The following DGLUCY variants were observed in gnomAD, a reference collection of about 807,000 sequenced individuals.
The protein encoded by DGLUCY is D-glutamate cyclase.
Under a neutral mutation model 58.5 loss-of-function variants are expected in DGLUCY, and 58 were observed. The ratio of observed to expected loss-of-function variants is 0.99; its 90% CI spans 0.80 to 1.23. The LOEUF (loss-of-function observed/expected upper bound fraction) is 1.23, where lower values mean the gene tolerates loss of function less well. DGLUCY is among the 50% of genes most tolerant of loss of function. The probability of loss-of-function intolerance (pLI) is 0.00; values close to 1 mark genes in which losing one functional copy is unlikely to be tolerated. For missense variants in DGLUCY, 779 were observed against 784.7 expected (o/e 0.99, Z 0.09); for synonymous variants, 325 against 314.1 (o/e 1.03, Z -0.37).
At chr14:91,140,269 C>G (rs1035682254) in intron 1 of DGLUCY, among the ~76,000 whole-genome samples, 3 of 152,186 alleles carry the variant, frequency 2.0e-5, no homozygotes, top group African/African-American at 7.2e-5. Context: ...GCTCACAAAC[C>G]TTACAAAAAA....
At chr14:91,070,890 A>G (rs11624274) in intron 1 of DGLUCY, among the ~76,000 whole-genome samples, 49,285 of 152,064 alleles carry the variant, frequency 0.32, 8,415 homozygotes, top group African/African-American at 0.43. Flanking sequence ...AGGTAAAATG[A>G]GTACAGAGTG....
chr14:91,203,633 C>A (rs2050703640), intron 11 of DGLUCY, among the ~76,000 whole-genome samples: 4 of 152,086 alleles, frequency 2.6e-5, no homozygotes, highest in Admixed American at 2.6e-4. Context: ...TACAGCACCA[C>A]CTCAAAGGGT....
At chr14:91,157,462 A>G (rs997443112) in intron 1 of DGLUCY, among the ~76,000 whole-genome samples, 177 bp from the exon 2 acceptor site, 39 of 152,174 alleles carry the variant, frequency 2.6e-4, no homozygotes, top group Admixed American at 1.8e-3. Context: ...AGGATTAACA[A>G]TGCCTTTTTT....
At chr14:91,196,744 TAAAAAAAA>T (rs146566022) in intron 10 of DGLUCY, among the ~76,000 whole-genome samples, 6 of 94,846 alleles carry the variant, frequency 6.3e-5, no homozygotes, top group East Asian at 3.2e-4. Context: ...GACATAGCAC[TAAAAAAAA>T]AAAAAAAAAA....
intron 1 of DGLUCY, among the ~76,000 whole-genome samples, chr14:91,093,009 G>A (rs937640101): frequency 3.3e-5 from 5 of 151,500 alleles, no homozygotes; most frequent in Non-Finnish European, 4.4e-5. Context: ...ACTTGAATCC[G>A]GGAGACAAAG....
chr14:91,160,495 T>C, intron 3 of DGLUCY, 98 bp downstream of exon 3: 1 of 818,252 alleles, frequency 1.2e-6, no homozygotes, highest in Non-Finnish European at 1.9e-6. Context: ...CTAAGACTTC[T>C]AGATTCTGCA....
chr14:91,188,256 G>A (rs1206251669), intron 8 of DGLUCY, among the ~76,000 whole-genome samples: 1 of 152,170 alleles, frequency 6.6e-6, no homozygotes, highest in African/African-American at 2.4e-5. Flanking sequence ...AAGGGAACGA[G>A]CTTGGAGGTG....
chr14:91,117,458 G>T (rs1484082532), intron 1 of DGLUCY, among the ~76,000 whole-genome samples: 1 of 152,090 alleles, frequency 6.6e-6, no homozygotes, highest in Non-Finnish European at 1.5e-5. Context: ...CTGACACTTG[G>T]GCTTGACTGC....
At chr14:91,169,926 G>A (rs559038507) in intron 4 of DGLUCY, 77 bp from the exon 5 acceptor site, 31 of 1,446,500 alleles carry the variant, frequency 2.1e-5, no homozygotes, top group African/African-American at 2.8e-5. Context: ...TTCTCTCTCC[G>A]CAGTCCTTCT....
intron 12 of DGLUCY, among the ~76,000 whole-genome samples, chr14:91,214,232 T>G (rs61990156): frequency 0.19 from 29,011 of 152,048 alleles, 3,066 homozygotes; most frequent in Non-Finnish European, 0.23. Context: ...TGGCTGGCCG[T>G]GTGCACAGTC....
chr14:91,208,873 A>C (rs1007127057), intron 12 of DGLUCY, among the ~76,000 whole-genome samples: 3 of 152,236 alleles, frequency 2.0e-5, no homozygotes, highest in Non-Finnish European at 4.4e-5. Context: ...ATTTCAAAGC[A>C]GACTTTGTTG....
chr14:91,140,398 G>A (rs770119334), intron 1 of DGLUCY, among the ~76,000 whole-genome samples: 21 of 152,334 alleles, frequency 1.4e-4, no homozygotes, highest in Middle Eastern at 3.4e-3. Context: ...TGGGTCGGGT[G>A]CGGTGGCTCA....
chr14:91,062,551 A>AAG (rs2043723808), intron 1 of DGLUCY, among the ~76,000 whole-genome samples: 2 of 27,708 alleles, frequency 7.2e-5, no homozygotes, highest in African/African-American at 3.1e-4. Context: ...CTGTCTAAAA[A>AAG]AAAAAAAATA....
chr14:91,136,502 G>A (rs2046343656), intron 1 of DGLUCY, among the ~76,000 whole-genome samples: 2 of 151,776 alleles, frequency 1.3e-5, no homozygotes, highest in Admixed American at 1.3e-4. Flanking sequence ...GGCCAACATG[G>A]TGAAAACCCC....
In DGLUCY at chr14:91,160,185, A is replaced by G. The variant is rs114459080; in HGVS notation, c.-29-81A>G. The G allele has an allele frequency of 8.4e-3, 7,172 of 850,618 alleles. 128 individuals are homozygous for G. The highest frequency in any genetic ancestry group is 0.042 in the South Asian group (3,098 of 74,640). 52.7% of individuals were successfully genotyped at this position (850,618 alleles called of 1,614,324 possible). A position where few individuals can be genotyped will look rare whatever the true frequency, so the allele number is the denominator to read the frequency against. On this transcript the variant is annotated intron_variant, in intron 2 of 13. Transcript: ENST00000256324. ...AGGAAAGGGTAGGATGTGATGTGGTATGTGAAGCTATGTGAGGCTGAATCT... is the reference window on the plus strand; with the variant it reads ...AGGAAAGGGTAGGATGTGATGTGGTGTGTGAAGCTATGTGAGGCTGAATCT...
chr14:91,138,094 T>C (rs376040310), intron 1 of DGLUCY, among the ~76,000 whole-genome samples: 14 of 152,376 alleles, frequency 9.2e-5, no homozygotes, highest in African/African-American at 3.1e-4. Context: ...CTTTGTCTTC[T>C]GGTCCTGAGG....
chr14:91,182,927 T>C (rs903367592), intron 8 of DGLUCY, among the ~76,000 whole-genome samples: 33 of 150,482 alleles, frequency 2.2e-4, no homozygotes, highest in Admixed American at 2.0e-3. Context: ...TTTTATTTTT[T>C]ATTTTATTTT....
intron 1 of DGLUCY, among the ~76,000 whole-genome samples, chr14:91,090,862 A>T (rs560517446): frequency 5.9e-5 from 9 of 152,284 alleles, no homozygotes; most frequent in Admixed American, 3.3e-4. Flanking sequence ...GTGGGTGAGC[A>T]TCCTACAGCT....
upstream of DGLUCY, among the ~76,000 whole-genome samples, chr14:91,103,210 A>C (rs983557007): frequency 4.6e-5 from 7 of 152,222 alleles, no homozygotes; most frequent in Non-Finnish European, 8.8e-5. Context: ...GGCTTCATCC[A>C]CGCACTCCAT....
Sources: gnomAD v4.1 joint callset for allele counts (sites outside exome capture counted in the v4.1 genomes callset) on GRCh38, gnomAD v4.1.1 for gene constraint, MANE v1.5 for transcripts, NCBI Gene and HGNC (gene_info 2026-07-23, HGNC 2026-07-21) for gene names.